The following TGM4 variants were observed in gnomAD, a reference collection of about 807,000 sequenced individuals.
TGM4 encodes the protein transglutaminase 4.
TGM4 carries 61 observed loss-of-function variants against 76.3 expected under a neutral mutation model. The observed-to-expected ratio is 0.80, with a 90% CI of 0.65 to 0.99. The LOEUF is 0.99. Ranked by LOEUF, TGM4 falls within the 50% of genes least tolerant of loss-of-function variation. The pLI is 0.00. For synonymous variants in TGM4, 337 were observed against 329.8 expected, an observed-to-expected ratio of 1.02 and a Z score of -0.24; for missense variants, 794 against 843.2, an observed-to-expected ratio of 0.94 and a Z score of 0.72.
intron 6 of TGM4, among the ~76,000 whole-genome samples, chr3:44,900,678 C>A (rs1699840661): frequency 6.6e-6 from 1 of 152,150 alleles, no homozygotes; most frequent in Non-Finnish European, 1.5e-5. Flanking sequence ...CAAAGCCAGG[C>A]CACCACCAGA....
rs1323403763 is a variant in TGM4 at position 44,914,098 on chromosome 3, G to A, written c.*373G>A. ...GTGCTGCCACCTGCTGACGACCCTTGAGAAGCTGCCATATCTTCAGGCCAT... is the reference window on the plus strand; with the variant it reads ...GTGCTGCCACCTGCTGACGACCCTTAAGAAGCTGCCATATCTTCAGGCCAT... On this transcript the variant is annotated 3_prime_UTR_variant, in exon 14 of 14. Transcript: ENST00000296125. The A allele has an allele frequency of 5.5e-6, 1 of 182,924 alleles. No individual in the cohort carries two copies. The highest frequency in any genetic ancestry group is 1.1e-5 in the Non-Finnish European group (1 of 87,156). The allele number at this position is 182,924 out of a possible 1,614,324, so 11.3% of individuals were successfully genotyped here.
chr3:44,913,124 G>A (rs1283897792), intron 13 of TGM4, among the ~76,000 whole-genome samples: 4 of 151,306 alleles, frequency 2.6e-5, no homozygotes, highest in Non-Finnish European at 5.9e-5. Context: ...AGCAGGTTTA[G>A]GGTGGAGCCT....
Position 44,911,024 on chromosome 3 carries a change from A to G in TGM4, c.1673A>G (p.Glu558Gly), listed in dbSNP as rs370147858. The change falls in exon 12 of 14, where the codon GAG becomes GGG. Residue 558 changes from glutamate to glycine, a missense_variant. Transcript: ENST00000296125. ...AACAGCCTGGCTATATTAGATGATG[A>G]GCCAGTTATCAGAGGTTTCATCATT... is the stretch of plus-strand genomic sequence containing the variant. ...YINSLAILDD[E>G]PVIRGFIIAE... is the part of the protein sequence containing the mutation. 3.8e-5 allele frequency: 61 copies of G among 1,614,092 alleles called. No individual in the cohort carries two copies. The highest frequency in any genetic ancestry group is 4.7e-5 in the Non-Finnish European group (56 of 1,180,042).
At chr3:44,875,943 C>A (rs1456847514) in intron 1 of TGM4, among the ~76,000 whole-genome samples, 1 of 152,168 alleles carries the variant, frequency 6.6e-6, no homozygotes, top group Admixed American at 6.5e-5. Context: ...ATGGGAAGCA[C>A]CTGCTGATTT....
chr3:44,887,847 T>C lies in TGM4; in HGVS notation c.300+52T>C, dbSNP rs150740168. On this transcript the variant is annotated intron_variant, in intron 3 of 13. Coordinates refer to ENST00000296125, the MANE Select transcript of TGM4 (RefSeq NM_003241.4). ...GGCTGGCTGGCTTCTGGCGGAATGC[T>C]CCTAATGTGAGCAGCCCCTATCCCC... is the stretch of plus-strand genomic sequence containing the variant. 160 of 1,530,884 alleles carry C rather than the reference T, an allele frequency of 1.0e-4. 1 individual carries two copies. In the African/African-American group the frequency reaches 1.7e-3, roughly 16 times the overall value. 94.8% of individuals were successfully genotyped at this position (1,530,884 alleles called of 1,614,324 possible).
At chr3:44,902,290 C>G (rs1196482642) in intron 8 of TGM4, among the ~76,000 whole-genome samples, 1 of 152,166 alleles carries the variant, frequency 6.6e-6, no homozygotes, top group Non-Finnish European at 1.5e-5. Flanking sequence ...GCTGGAATCA[C>G]CTGGGGGTGA....
At chr3:44,891,164 G>A (rs546758586) in intron 4 of TGM4, among the ~76,000 whole-genome samples, 1 of 152,236 alleles carries the variant, frequency 6.6e-6, no homozygotes, top group Admixed American at 6.5e-5. Context: ...GGCTACACTG[G>A]AGCCTTTATG....
chr3:44,910,159 G>C lies in TGM4; in HGVS notation c.1397G>C (p.Arg466Pro), dbSNP rs367997401. The C allele has an allele frequency of 6.8e-5, 109 of 1,614,174 alleles. No individual in the cohort carries two copies. The South Asian group carries it at 1.1e-3, about 17-fold the overall frequency. Residue 466 changes from arginine (R) to proline (P), a missense_variant, in exon 11 of 14, where the codon CGA becomes CCA. Transcript: ENST00000296125. The stretch of plus-strand genomic sequence containing the variant: ...CTCAGTTCTGAGAGGGAGCACAGAC[G>C]ACCTGTAAAAGAGAACTTTCTTCAC... ...LLLSSEREHR[R>P]PVKENFLHMS...
intron 1 of TGM4, among the ~76,000 whole-genome samples, chr3:44,882,023 C>G (rs1210769492): frequency 6.7e-6 from 1 of 149,276 alleles, no homozygotes; most frequent in African/African-American, 2.5e-5. Context: ...ACCATCTATC[C>G]AAGTGCAATA....
chr3:44,879,573 C>T (rs915496719), intron 1 of TGM4, among the ~76,000 whole-genome samples: 2 of 150,532 alleles, frequency 1.3e-5, no homozygotes, highest in South Asian at 2.1e-4. Context: ...CCCAGGTTCA[C>T]GCCATTCTCC....
intron 13 of TGM4, 126 bp from the exon 14 acceptor site, chr3:44,913,458 T>C (rs1700034367): frequency 8.2e-7 from 1 of 1,216,220 alleles, no homozygotes; most frequent in Non-Finnish European, 1.1e-6. Flanking sequence ...TGCCCTGGAA[T>C]GGCCAGGACT....
intron 1 of TGM4, among the ~76,000 whole-genome samples, chr3:44,877,817 A>G (rs1004389917): frequency 1.3e-5 from 2 of 152,224 alleles, no homozygotes; most frequent in Admixed American, 1.3e-4. Context: ...GCTTTGGAAG[A>G]TTTCTCTTAC....
rs962849825 is a variant in TGM4, at chr3:44,883,828, C to T, written c.20-1497C>T. Reference sequence around the variant, plus strand: ...CCCCAAGGTAGGCATCTGATGTGGGCGTGACCACTCCACCTATTTTGTAGT... The same window carrying T: ...CCCCAAGGTAGGCATCTGATGTGGGTGTGACCACTCCACCTATTTTGTAGT... On this transcript the variant is annotated intron_variant, in intron 1 of 13. Coordinates refer to ENST00000296125, the MANE Select transcript of TGM4 (RefSeq NM_003241.4). Among the ~76,000 whole-genome samples, 6 of 152,332 alleles carry T rather than the reference C, an allele frequency of 3.9e-5. No individual in the cohort carries two copies. The South Asian group carries it at 6.2e-4, about 16-fold the overall frequency.
intron 13 of TGM4, among the ~76,000 whole-genome samples, chr3:44,912,989 A>G (rs6784318): frequency 0.56 from 84,967 of 152,158 alleles, 24,591 homozygotes; most frequent in East Asian, 0.89. Context: ...TCTGTTTCTT[A>G]CAGGATGTCT....
At chr3:44,907,271 G>T in intron 10 of TGM4, 71 bp downstream of exon 10, 1 of 1,550,866 alleles carries the variant, frequency 6.4e-7, no homozygotes, top group South Asian at 1.2e-5. Context: ...GTCAAGATTG[G>T]GGGTGGGCCT....
At chr3:44,909,114 C>T (rs1699965905) in intron 10 of TGM4, among the ~76,000 whole-genome samples, 8 of 152,222 alleles carry the variant, frequency 5.3e-5, no homozygotes, top group Admixed American at 5.2e-4. Context: ...ATGGATATTG[C>T]TTTAAATTCC....
At chr3:44,899,405 C>T (rs573640288) in intron 6 of TGM4, 44 of 152,334 alleles carry the variant, frequency 2.9e-4, no homozygotes, top group Admixed American at 9.1e-4. Flanking sequence ...CAAGGTGTTC[C>T]AGGAGTCACT....
Position 44,885,380 on chromosome 3 carries a change from C to T in TGM4, c.75C>T (p.His25=), listed in dbSNP as rs1484293982. 1.2e-6 allele frequency: 2 copies of T among 1,614,112 alleles called. No individual in the cohort carries two copies. The highest frequency in any genetic ancestry group is 1.7e-6 in the Non-Finnish European group (2 of 1,179,994). Residue 25 remains histidine, a synonymous_variant, in exon 2 of 14, where the codon CAC becomes CAT. Coordinates refer to ENST00000296125, the MANE Select transcript of TGM4 (RefSeq NM_003241.4). ...ATCAGGACAACGCCGTTTCTCACCA[C>T]ACATGGGAGTTCCAAACGAGCAGTC... The part of the protein sequence containing the change: ...FLNQDNAVSH[H]TWEFQTSSPV...
At chr3:44,881,303 G>A (rs1699529003) in intron 1 of TGM4, among the ~76,000 whole-genome samples, 1 of 152,152 alleles carries the variant, frequency 6.6e-6, no homozygotes, top group Non-Finnish European at 1.5e-5. Flanking sequence ...TCCCTTTCTG[G>A]GGAAAGCTGT....
Sources: gnomAD v4.1 joint callset for allele counts (sites outside exome capture counted in the v4.1 genomes callset) on GRCh38, gnomAD v4.1.1 for gene constraint, MANE v1.5 for transcripts, NCBI Gene and HGNC (gene_info 2026-07-23, HGNC 2026-07-21) for gene names.